The following NOMO2 variants were observed in gnomAD, a reference collection of about 807,000 sequenced individuals.
The protein encoded by NOMO2 is NODAL modulator 2.
A neutral mutation model predicts 67.1 loss-of-function variants in NOMO2; 14 were observed. That is an observed-to-expected ratio of 0.21 (90% CI 0.14 to 0.33). The LOEUF (loss-of-function observed/expected upper bound fraction) is 0.33. Ranked by LOEUF, NOMO2 falls within the 10% of genes least tolerant of loss-of-function variation. NOMO2 has a pLI of 1.00. For missense variants in NOMO2, 178 were observed against 761.0 expected, an observed-to-expected ratio of 0.23 and a Z score of 9.01; for synonymous variants, 80 against 305.9, an observed-to-expected ratio of 0.26 and a Z score of 7.71.
At chr16:18,559,898 G>A (rs1180911992) in intron 1 of NOMO2, among the ~76,000 whole-genome samples, 1 of 151,622 alleles carries the variant, frequency 6.6e-6, no homozygotes, top group Non-Finnish European at 1.5e-5. Context: ...GTCCCTGTTA[G>A]AGAACAAAAT....
chr16:18,539,483 G>A (rs554156091), intron 9 of NOMO2, among the ~76,000 whole-genome samples: 50 of 151,558 alleles, frequency 3.3e-4, no homozygotes, highest in East Asian at 2.1e-3. Context: ...TAGGCCAGGC[G>A]CAGTGGTTCA....
chr16:18,555,290 G>A (rs1377458366), intron 2 of NOMO2, among the ~76,000 whole-genome samples: 1 of 151,568 alleles, frequency 6.6e-6, no homozygotes, highest in East Asian at 2.0e-4. Flanking sequence ...AACACTGTGG[G>A]AGGCCAAGGC....
chr16:18,540,225 G>T (rs1275635473), intron 9 of NOMO2, among the ~76,000 whole-genome samples: 1 of 145,646 alleles, frequency 6.9e-6, no homozygotes, highest in African/African-American at 2.5e-5. Context: ...TTCAGCAAAT[G>T]GTTTCTTAGT....
chr16:18,556,105 TTAAA>T (rs1455959345), intron 2 of NOMO2, among the ~76,000 whole-genome samples: 1 of 129,484 alleles, frequency 7.7e-6, no homozygotes, highest in African/African-American at 2.9e-5. Flanking sequence ...GTCCAAGTAG[TTAAA>T]TAAATTACAG....
At position 18,559,568 on chromosome 16, in the gene NOMO2, A is replaced by G. The variant is rs371825692; in HGVS notation, c.166-1777T>C. 6.3e-3 allele frequency among the ~76,000 whole-genome samples: 932 copies of G among 147,296 alleles called. 1 individual carries two copies. The highest frequency in any genetic ancestry group is 0.024 in the African/African-American group (877 of 36,914). ...TATGTAAAGTTCTCTGAGGTCAGTG[A>G]CCACAACTTCATTCCCCAGTGCCTG... is the stretch of plus-strand genomic sequence containing the variant. On this transcript the variant is annotated intron_variant, in intron 1 of 30. Transcript: ENST00000622306.
chr16:18,558,678 T>G (rs1158093077), intron 1 of NOMO2: 1 of 314,332 alleles, frequency 3.2e-6, no homozygotes, highest in Non-Finnish European at 6.6e-6. Context: ...AACTCTTACA[T>G]TCTGAGCATT....
intron 11 of NOMO2, among the ~76,000 whole-genome samples, chr16:18,536,514 C>CTA (rs1394601252): frequency 6.6e-6 from 1 of 151,946 alleles, no homozygotes; most frequent in East Asian, 1.9e-4. Flanking sequence ...ATGAAACTAG[C>CTA]TAATTTTTGC....
At chr16:18,536,035 A>C (rs1901415086) in intron 11 of NOMO2, among the ~76,000 whole-genome samples, 1 of 151,946 alleles carries the variant, frequency 6.6e-6, no homozygotes, top group Non-Finnish European at 1.5e-5. Context: ...TGACCTCATG[A>C]TCCGCCCACC....
Position 18,535,391 on chromosome 16 carries a change from A to AT in NOMO2, c.1221-2213dup, listed in dbSNP as rs749667557. On this transcript the variant is annotated intron_variant, in intron 11 of 30. Transcript: ENST00000622306. ...AAAGGCAAATGTACTACGTCGGCCA[A>AT]TAAAAAAAAGAGATTTTCCAAAAAT... Among the ~76,000 whole-genome samples the AT allele has an allele frequency of 1.3e-3, 117 of 88,734 alleles. 3 individuals are homozygous for AT. The highest frequency in any genetic ancestry group is 3.6e-3 in the Admixed American group (27 of 7,528). 58.2% of individuals were successfully genotyped at this position (88,734 alleles called of 152,430 possible).
intron 3 of NOMO2, among the ~76,000 whole-genome samples, chr16:18,554,387 A>T (rs900122973): frequency 9.2e-5 from 14 of 151,918 alleles, no homozygotes; most frequent in African/African-American, 3.1e-4. Context: ...CATGGGACAT[A>T]AATCTGGATT....
In NOMO2 at chr16:18,534,178, A is replaced by G; in HGVS notation, c.1221-999T>C. On this transcript the variant is annotated intron_variant, in intron 11 of 30. Coordinates refer to ENST00000622306, the MANE Select transcript of NOMO2 (RefSeq NM_173614.4). ...ATTGTGTATGTGAAATCTAGGAATC[A>G]TGAAAAACACAGCCATTTCTTCAGA... Among the ~76,000 whole-genome samples, 2 of 151,976 alleles carry G rather than the reference A, an allele frequency of 1.3e-5. 1 individual carries two copies.
intron 7 of NOMO2, among the ~76,000 whole-genome samples, chr16:18,543,106 TCCATCACATA>T (rs1433477886): frequency 2.2e-5 from 3 of 133,860 alleles, no homozygotes; most frequent in Non-Finnish European, 4.8e-5. Flanking sequence ...CTGTGTACTT[TCCATCACATA>T]CCACTGCCTC....
chr16:18,550,750 GCT>G (rs1392271113), intron 4 of NOMO2, among the ~76,000 whole-genome samples: 1 of 152,108 alleles, frequency 6.6e-6, no homozygotes, highest in Non-Finnish European at 1.5e-5. Flanking sequence ...GCAGATGCAC[GCT>G]CTCTCTGGGA....
At chr16:18,555,573 T>C (rs1901884655) in intron 2 of NOMO2, among the ~76,000 whole-genome samples, 1 of 151,414 alleles carries the variant, frequency 6.6e-6, no homozygotes, top group African/African-American at 2.4e-5. Context: ...TAAATAAAAC[T>C]AGATTTTACT....
intron 3 of NOMO2, among the ~76,000 whole-genome samples, chr16:18,553,028 C>T (rs1414882196): frequency 6.6e-6 from 1 of 151,956 alleles, no homozygotes; most frequent in Non-Finnish European, 1.5e-5. Flanking sequence ...AATCCCCACA[C>T]TTTGGGAGGC....
chr16:18,541,187 G>A (rs1292086247), intron 9 of NOMO2, among the ~76,000 whole-genome samples: 5 of 126,198 alleles, frequency 4.0e-5, no homozygotes, highest in South Asian at 3.0e-4. Context: ...CCCTCTTTCC[G>A]CCTCCTCCTT....
At chr16:18,534,321 A>G (rs1901372156) in intron 11 of NOMO2, among the ~76,000 whole-genome samples, 1 of 151,316 alleles carries the variant, frequency 6.6e-6, no homozygotes, top group African/African-American at 2.4e-5. Flanking sequence ...AGAATTTTAC[A>G]CTCTTAAGTG....
chr16:18,539,908 C>T (rs1901510579), intron 9 of NOMO2, among the ~76,000 whole-genome samples: 1 of 152,012 alleles, frequency 6.6e-6, no homozygotes, highest in Non-Finnish European at 1.5e-5. Flanking sequence ...GAGTTCCAGC[C>T]CTGATCTGTG....
rs1901603585 is a variant in NOMO2, at chr16:18,543,743, G to A, written c.609C>T (p.Asn203=). The A allele has an allele frequency of 1.9e-6, 3 of 1,609,352 alleles. No homozygotes were observed. In the Admixed American group the frequency reaches 5.0e-5, roughly 27 times the overall value. ...GGGGACTGGCCGCATTGGCATTGGAGTTGGTTACACGCACTGTGGTGCTTG... is the reference window on the plus strand; with the variant it reads ...GGGGACTGGCCGCATTGGCATTGGAATTGGTTACACGCACTGTGGTGCTTG... ...KEASTTVRVT[N]SNANAASPLI... Residue 203 remains asparagine (N), a synonymous_variant, in exon 7 of 31, where the codon AAC becomes AAT. Transcript: ENST00000622306.
Sources: gnomAD v4.1 joint callset for allele counts (sites outside exome capture counted in the v4.1 genomes callset) on GRCh38, gnomAD v4.1.1 for gene constraint, MANE v1.5 for transcripts, NCBI Gene and HGNC (gene_info 2026-07-23, HGNC 2026-07-21) for gene names.